VWA8: variants seen among roughly 807,000 people sequenced by gnomAD.
VWA8 encodes von Willebrand factor A domain-containing protein 8.
Under a neutral mutation model 241.5 loss-of-function variants are expected in VWA8, and 221 were observed. The observed-to-expected ratio is 0.91, with a 90% CI of 0.82 to 1.02. The LOEUF (loss-of-function observed/expected upper bound fraction) is 1.02. VWA8 is among the 50% of genes least tolerant of loss of function. The probability of loss-of-function intolerance (pLI) is 0.00; values close to 1 mark genes in which losing one functional copy is unlikely to be tolerated. For synonymous variants in VWA8, 852 were observed against 827.1 expected (o/e 1.03, Z -0.52); for missense variants, 2,322 against 2,328.7 (o/e 1.00, Z 0.06).
chr13:41,657,576 G>A (rs867555589), intron 37 of VWA8, among the ~76,000 whole-genome samples: 3 of 148,598 alleles, frequency 2.0e-5, no homozygotes, highest in Non-Finnish European at 4.4e-5. Context: ...TGCAAGCTCC[G>A]CTTCCCGGGT....
At chr13:41,891,730 C>T (rs1002887786) in intron 4 of VWA8, 143 bp from the exon 5 acceptor site, 1 of 854,814 alleles carries the variant, frequency 1.2e-6, no homozygotes, top group Admixed American at 2.8e-5. Flanking sequence ...TCTTGTTTTG[C>T]TTTTTCTGCC....
In VWA8 at chr13:41,570,599, G is replaced by A. The variant is rs373718457; in HGVS notation, c.5478C>T (p.Val1826=). ...IVKEEADEYF[V]IVLSDANLSR... ...ACAGATTTGCATCACTCAAGACTAT[G>A]ACAAAGTACTCATCAGCTTCTTCTT... The change falls in exon 44 of 45, where the codon GTC becomes GTT. Residue 1826 remains valine (V), a synonymous_variant. Coordinates refer to ENST00000379310, the MANE Select transcript of VWA8 (RefSeq NM_015058.2). 1.1e-4 allele frequency: 175 copies of A among 1,614,100 alleles called. No individual in the cohort carries two copies. The highest frequency in any genetic ancestry group is 1.4e-4 in the Non-Finnish European group (167 of 1,180,042).
At chr13:41,774,626 C>A (rs1035650743) in intron 20 of VWA8, among the ~76,000 whole-genome samples, 10 of 152,236 alleles carry the variant, frequency 6.6e-5, no homozygotes, top group African/African-American at 2.4e-4. Flanking sequence ...CTGTAAGTGA[C>A]CTATCACACT....
chr13:41,924,820 G>C (rs1420807587), intron 2 of VWA8, among the ~76,000 whole-genome samples: 2 of 151,422 alleles, frequency 1.3e-5, no homozygotes, highest in Admixed American at 6.6e-5. Flanking sequence ...GTGCAAGTCA[G>C]TTACATATGT....
chr13:41,797,415 T>C (rs1359797441), intron 17 of VWA8, among the ~76,000 whole-genome samples: 2 of 152,192 alleles, frequency 1.3e-5, no homozygotes, highest in African/African-American at 4.8e-5. Context: ...TTGAAAAGAA[T>C]GCATATTCAT....
chr13:41,828,672 C>A (rs780281760), intron 14 of VWA8, among the ~76,000 whole-genome samples: 5 of 151,988 alleles, frequency 3.3e-5, no homozygotes, highest in Admixed American at 6.6e-5. Flanking sequence ...ACATACATGT[C>A]TTTTTTTCTG....
intron 2 of VWA8, among the ~76,000 whole-genome samples, chr13:41,946,986 T>C (rs141968791): frequency 8.1e-4 from 123 of 152,360 alleles, no homozygotes; most frequent in African/African-American, 2.8e-3. Context: ...AGGTGATGTC[T>C]GATCACCCCA....
chr13:41,778,322 TA>T (rs1387384577), intron 19 of VWA8, among the ~76,000 whole-genome samples: 142 of 152,256 alleles, frequency 9.3e-4, no homozygotes, highest in Non-Finnish European at 1.0e-4. Flanking sequence ...TCAACTCAAA[TA>T]TTTTTTTACC....
intron 21 of VWA8, among the ~76,000 whole-genome samples, chr13:41,759,681 C>G (rs2045725905): frequency 6.6e-6 from 1 of 151,794 alleles, no homozygotes; most frequent in Non-Finnish European, 1.5e-5. Context: ...TAGTCCTTGT[C>G]TGCTAATTCC....
At chr13:41,767,798 T>C (rs1284345972) in intron 20 of VWA8, among the ~76,000 whole-genome samples, 1 of 152,242 alleles carries the variant, frequency 6.6e-6, no homozygotes, top group Non-Finnish European at 1.5e-5. Context: ...TGAAATACTG[T>C]GTTGCTATAA....
intron 12 of VWA8, among the ~76,000 whole-genome samples, chr13:41,847,277 T>G (rs945334163): frequency 6.6e-6 from 1 of 152,026 alleles, no homozygotes; most frequent in Non-Finnish European, 1.5e-5. Flanking sequence ...AAATACCACA[T>G]AGTAGTTGGT....
chr13:41,760,186 T>C (rs1390007349), intron 21 of VWA8, among the ~76,000 whole-genome samples: 1 of 151,814 alleles, frequency 6.6e-6, no homozygotes, highest in African/African-American at 2.4e-5. Flanking sequence ...CTAGTGTTTG[T>C]GAATTTTGTT....
chr13:41,663,237 CTGTTT>C (rs1300567164), intron 37 of VWA8, among the ~76,000 whole-genome samples: 2 of 152,066 alleles, frequency 1.3e-5, no homozygotes, highest in Non-Finnish European at 1.5e-5. Flanking sequence ...AAAAAAAGTA[CTGTTT>C]TAAGTTTCAA....
intron 40 of VWA8, among the ~76,000 whole-genome samples, chr13:41,601,618 A>G (rs2044522032): frequency 6.6e-6 from 1 of 152,184 alleles, no homozygotes; most frequent in African/African-American, 2.4e-5. Flanking sequence ...TGGTGCAATA[A>G]GAGATTGAGA....
At chr13:41,708,230 G>A (rs1219085853) in intron 26 of VWA8, among the ~76,000 whole-genome samples, 1 of 152,022 alleles carries the variant, frequency 6.6e-6, no homozygotes, top group Non-Finnish European at 1.5e-5. Context: ...GCGTGGTGGC[G>A]CATGCCTGTA....
intron 12 of VWA8, among the ~76,000 whole-genome samples, chr13:41,861,217 A>G (rs1872992199): frequency 6.6e-6 from 1 of 152,138 alleles, no homozygotes; most frequent in Non-Finnish European, 1.5e-5. Flanking sequence ...TCTCAAAAAA[A>G]GAAAATCATA....
rs564812230 is a variant in VWA8, at chr13:41,721,402, T to C, written c.2932A>G (p.Arg978Gly). The stretch of plus-strand genomic sequence containing the variant: ...TGTTTGACTATGTTGACAACTTCTC[T>C]GGTAGAATAAGGATAGTTAATAATC... ...QGIINYPYST[R>G]EVVNIVKHLQ... is the part of the protein sequence containing the mutation. Residue 978 changes from arginine (R) to glycine (G), a missense_variant, in exon 25 of 45, where the codon AGA (arginine) becomes GGA (glycine). Arg to Gly is a moderately radical substitution (Grantham distance 125, BLOSUM62 -2). Coordinates refer to ENST00000379310, the MANE Select transcript of VWA8 (RefSeq NM_015058.2). The C allele has an allele frequency of 4.3e-6, 7 of 1,613,786 alleles. No individual in the cohort carries two copies. The highest frequency in any genetic ancestry group is 1.3e-5 in the African/African-American group (1 of 75,012).
intron 29 of VWA8, among the ~76,000 whole-genome samples, chr13:41,695,512 A>G (rs1291404741): frequency 2.0e-5 from 3 of 152,200 alleles, no homozygotes; most frequent in East Asian, 3.9e-4. Context: ...TCATTCCACT[A>G]GAATTATTTA....
At chr13:41,712,511 C>T (rs2045324989) in intron 26 of VWA8, among the ~76,000 whole-genome samples, 1 of 152,128 alleles carries the variant, frequency 6.6e-6, no homozygotes, top group East Asian at 1.9e-4. Flanking sequence ...TAGGCCTAGT[C>T]CTCAATGCAA....
Sources: gnomAD v4.1 joint callset for allele counts (sites outside exome capture counted in the v4.1 genomes callset) on GRCh38, gnomAD v4.1.1 for gene constraint, MANE v1.5 for transcripts, NCBI Gene and HGNC (gene_info 2026-07-23, HGNC 2026-07-21) for gene names.